PDE9A: variants seen among roughly 807,000 people sequenced by gnomAD.
PDE9A encodes high affinity cGMP-specific 3',5'-cyclic phosphodiesterase 9A.
In PDE9A, 60 loss-of-function variants were observed where a neutral mutation model predicts 87.4. The observed-to-expected ratio is 0.69, with a 90% CI of 0.56 to 0.85. The LOEUF is 0.85. Among genes scored for constraint, PDE9A ranks in the 40% least tolerant of loss-of-function variants. The pLI, the probability that PDE9A is intolerant of heterozygous loss-of-function variation, is 0.00. For missense variants in PDE9A, 665 were observed against 779.0 expected (o/e 0.85, Z 1.74); for synonymous variants, 272 against 279.4 (o/e 0.97, Z 0.27).
rs1364631363 is a variant in PDE9A at position 42,723,360 on chromosome 21, G to C, written c.263-8410G>C. On this transcript the variant is annotated intron_variant, in intron 4 of 19. Coordinates refer to ENST00000291539, the MANE Select transcript of PDE9A (RefSeq NM_002606.3). The surrounding 1 kb of genome is among the most constrained non-coding windows in gnomAD (Gnocchi z 4.3). ...GCCCCGGCCAGCATTCCCTGCATGT[G>C]CTTATCAAGTGAGGAGGCCAGCAGG... 6.6e-6 allele frequency among the ~76,000 whole-genome samples: 1 copy of C among 152,218 alleles called. No homozygotes were observed. Among genetic ancestry groups the C allele is most frequent in the African/African-American group, 2.4e-5 (1 of 41,454 alleles).
chr21:42,664,384 G>A (rs1196023591), intron 1 of PDE9A, among the ~76,000 whole-genome samples: 1 of 152,222 alleles, frequency 6.6e-6, no homozygotes, highest in Non-Finnish European at 1.5e-5. Context: ...TGATGGTGCT[G>A]CTGCATTGAG....
chr21:42,677,231 G>A (rs1404284636), intron 1 of PDE9A, among the ~76,000 whole-genome samples: 1 of 152,234 alleles, frequency 6.6e-6, no homozygotes, highest in Non-Finnish European at 1.5e-5. Flanking sequence ...GTTCAGAGAA[G>A]CTCTGTAAAA....
Position 42,695,758 on chromosome 21 carries a change from G to A in PDE9A, c.219-3210G>A, listed in dbSNP as rs2060109542. Among the ~76,000 whole-genome samples the A allele has an allele frequency of 6.6e-6, 1 of 152,244 alleles. No individual in the cohort carries two copies. The highest frequency in any genetic ancestry group is 1.5e-5 in the Non-Finnish European group (1 of 68,054). On this transcript the variant is annotated intron_variant, in intron 3 of 19. Coordinates refer to ENST00000291539, the MANE Select transcript of PDE9A (RefSeq NM_002606.3). The surrounding 1 kb of genome is among the most constrained non-coding windows in gnomAD (Gnocchi z 4.3). ...AAAGACAAATACAGTAGAAGCTGGAGGCAAGCTTATCCTTTCCAAAGAGGG... is the reference window on the plus strand; with the variant it reads ...AAAGACAAATACAGTAGAAGCTGGAAGCAAGCTTATCCTTTCCAAAGAGGG...
rs566826539 is a variant in PDE9A, at chr21:42,660,659, TAGAA to T, written c.69+6779_69+6782del. Among the ~76,000 whole-genome samples, 638 of 149,816 alleles carry T rather than the reference TAGAA, an allele frequency of 4.3e-3. 5 individuals are homozygous for T. Among genetic ancestry groups the T allele is most frequent in the African/African-American group, 0.015 (600 of 40,614 alleles). On this transcript the variant is annotated intron_variant, in intron 1 of 19. Transcript: ENST00000291539. The surrounding 1 kb of genome is among the most constrained non-coding windows in gnomAD (Gnocchi z 4.7). The stretch of plus-strand genomic sequence containing the variant: ...AAAAAAAGATTAAAATGGTTAAAAA[TAGAA>T]AGTGCACAAGCAAGGGTCCATCTGC...
In PDE9A at chr21:42,726,607, TATATA is replaced by T. The variant is rs1569207112; in HGVS notation, c.263-5162_263-5158del. Among the ~76,000 whole-genome samples, 70 of 22,858 alleles carry T rather than the reference TATATA, an allele frequency of 3.1e-3. 3 individuals carry two copies. The highest frequency in any genetic ancestry group is 0.02 in the African/African-American group (58 of 2,906). 15.0% of individuals were successfully genotyped at this position (22,858 alleles called of 152,430 possible). ...CCACGCCTGGCCATATATATATATATATATATATATATATATATTTTTTTTTTTTT... is the reference window on the plus strand; with the variant it reads ...CCACGCCTGGCCATATATATATATATTATATATATATATTTTTTTTTTTTT... On this transcript the variant is annotated intron_variant, in intron 4 of 19. Coordinates refer to ENST00000291539, the MANE Select transcript of PDE9A (RefSeq NM_002606.3).
At chr21:42,754,345 C>A (rs930781222) in intron 10 of PDE9A, among the ~76,000 whole-genome samples, 1 of 152,134 alleles carries the variant, frequency 6.6e-6, no homozygotes, top group Non-Finnish European at 1.5e-5. Flanking sequence ...TGGCGCTGGG[C>A]CCCCCGAGCC....
intron 6 of PDE9A, among the ~76,000 whole-genome samples, chr21:42,732,653 G>A (rs185303030): frequency 2.6e-5 from 4 of 152,340 alleles, no homozygotes; most frequent in African/African-American, 4.8e-5. Flanking sequence ...GGTGGCTCAC[G>A]CCTGTAATCC....
chr21:42,696,021 G>A lies in PDE9A; in HGVS notation c.219-2947G>A, dbSNP rs564727416. On this transcript the variant is annotated intron_variant, in intron 3 of 19. Transcript: ENST00000291539. The surrounding 1 kb of genome is among the most constrained non-coding windows in gnomAD (Gnocchi z 5.1). The stretch of plus-strand genomic sequence containing the variant: ...GAGCATTCACAGAGGCTCCCTGTCC[G>A]TCCACTTTTCCCTCTGTTGCTGATG... Among the ~76,000 whole-genome samples the A allele has an allele frequency of 2.6e-4, 40 of 152,280 alleles. No homozygotes were observed. The highest frequency in any genetic ancestry group is 4.4e-4 in the Non-Finnish European group (30 of 68,012).
At position 42,772,382 on chromosome 21, in the gene PDE9A, G is replaced by T. The variant is rs2057101664; in HGVS notation, c.1687-57G>T. The stretch of plus-strand genomic sequence containing the variant: ...AACAGAAGCTGCTGGGAGAGAGGCA[G>T]ACACTCCCCTGCTGTCTCCTGCTCC... On this transcript the variant is annotated intron_variant, in intron 18 of 19. Coordinates refer to ENST00000291539, the MANE Select transcript of PDE9A (RefSeq NM_002606.3). 5.1e-6 allele frequency: 6 copies of T among 1,165,052 alleles called. No homozygotes were observed. In the Admixed American group the frequency reaches 1.0e-4, roughly 20 times the overall value. 72.2% of individuals were successfully genotyped at this position (1,165,052 alleles called of 1,614,324 possible).
intron 15 of PDE9A, among the ~76,000 whole-genome samples, chr21:42,766,166 C>CA (rs1280357190): frequency 2.0e-5 from 3 of 151,370 alleles, no homozygotes; most frequent in Non-Finnish European, 4.4e-5. Flanking sequence ...TCCATCTCCA[C>CA]AAAAAAAGAA....
At chr21:42,748,450 C>T (rs1032644152) in intron 8 of PDE9A, among the ~76,000 whole-genome samples, 1 of 152,196 alleles carries the variant, frequency 6.6e-6, no homozygotes, top group South Asian at 2.1e-4. Flanking sequence ...CTCCGTGGAG[C>T]GGTGGTTATC....
At chr21:42,670,648 CATTCACACACAT>C (rs1030956237) in intron 1 of PDE9A, among the ~76,000 whole-genome samples, 31 of 147,196 alleles carry the variant, frequency 2.1e-4, no homozygotes, top group Middle Eastern at 3.4e-3. Context: ...TACAAACTAT[CATTCACACACAT>C]ACACACATAC....
rs1384652819 is a variant in PDE9A, at chr21:42,739,725, C to G, written c.569-4051C>G. Among the ~76,000 whole-genome samples the G allele has an allele frequency of 6.6e-6, 1 of 152,006 alleles. No homozygotes were observed. The highest frequency in any genetic ancestry group is 2.4e-5 in the African/African-American group (1 of 41,386). ...CCAGGGAAGCGGATCTCGGTGGACTCTGCACTGTCAATACAAACGCTATGC... is the reference window on the plus strand; with the variant it reads ...CCAGGGAAGCGGATCTCGGTGGACTGTGCACTGTCAATACAAACGCTATGC... On this transcript the variant is annotated intron_variant, in intron 7 of 19. Transcript: ENST00000291539. The surrounding 1 kb of genome is among the most constrained non-coding windows in gnomAD (Gnocchi z 4.1).
chr21:42,677,200 G>C (rs768607908), intron 1 of PDE9A, among the ~76,000 whole-genome samples: 4 of 152,150 alleles, frequency 2.6e-5, no homozygotes, highest in Non-Finnish European at 4.4e-5. Flanking sequence ...GGAAAATTTC[G>C]CTCCAGATTC....
chr21:42,731,991 C>G (rs779399090), intron 5 of PDE9A, 42 bp downstream of exon 5: 1 of 1,611,420 alleles, frequency 6.2e-7, no homozygotes, highest in African/African-American at 1.3e-5. Context: ...CCCCCCAACA[C>G]GTGGGATTCG....
At chr21:42,693,559 C>T (rs1040326433) in intron 3 of PDE9A, among the ~76,000 whole-genome samples, 11 of 148,940 alleles carry the variant, frequency 7.4e-5, no homozygotes, top group Non-Finnish European at 1.6e-4. Flanking sequence ...CAGAGTGCTG[C>T]GATTACAGGC....
intron 2 of PDE9A, among the ~76,000 whole-genome samples, chr21:42,687,203 G>A (rs1175841379): frequency 6.6e-6 from 1 of 152,210 alleles, no homozygotes; most frequent in Non-Finnish European, 1.5e-5. Context: ...GTTTCTCACA[G>A]ACAGGTGAGA....
Position 42,732,057 on chromosome 21 carries a change from C to G in PDE9A, c.443-13C>G. ...TGTCCGTGTTCCATCTGTCTTTCTT[C>G]TTTGGTTTGTAGAGAGAGAAGAATT... On this transcript the variant is annotated splice_polypyrimidine_tract_variant and intron_variant, in intron 5 of 19. Transcript: ENST00000291539. 2 of 1,614,156 alleles carry G rather than the reference C, an allele frequency of 1.2e-6. No homozygotes were observed. The highest frequency in any genetic ancestry group is 1.7e-6 in the Non-Finnish European group (2 of 1,179,950).
chr21:42,667,233 T>A (rs2058066014), intron 1 of PDE9A, among the ~76,000 whole-genome samples: 1 of 152,110 alleles, frequency 6.6e-6, no homozygotes, highest in Non-Finnish European at 1.5e-5. Context: ...GGGTCCAACT[T>A]CTAGCAGCCC....
Sources: allele counts gnomAD v4.1 joint callset (sites outside exome capture counted in the v4.1 genomes callset), GRCh38; gene constraint gnomAD v4.1.1; non-coding constraint Gnocchi (gnomAD v3.1); transcripts MANE v1.5; gene names NCBI Gene and HGNC (gene_info 2026-07-23, HGNC 2026-07-21).